Variants in ACKR4 observed in about 807,000 individuals in gnomAD.
The protein encoded by ACKR4 is atypical chemokine receptor 4, also known as C-C CKR-11.
In ACKR4, 2 loss-of-function variants were observed where a neutral mutation model predicts 8.5. That is an observed-to-expected ratio of 0.23 (90% confidence interval 0.10 to 0.74). The LOEUF (loss-of-function observed/expected upper bound fraction) is 0.74. ACKR4 is among the 30% of genes least tolerant of loss of function. The pLI is 0.75. For missense variants in ACKR4, 167 were observed against 422.1 expected, an observed-to-expected ratio of 0.40 and a Z score of 5.30; for synonymous variants, 67 against 145.0, an observed-to-expected ratio of 0.46 and a Z score of 3.86.
chr3:132,598,880 G>A (rs563283963), intron 1 of ACKR4, among the ~76,000 whole-genome samples: 53 of 152,342 alleles, frequency 3.5e-4, no homozygotes, highest in Admixed American at 7.8e-4. Context: ...TTCAGGTGAA[G>A]AGATGTGTCT....
chr3:132,598,592 A>C (rs140834438), intron 1 of ACKR4, among the ~76,000 whole-genome samples: 1 of 152,350 alleles, frequency 6.6e-6, no homozygotes, highest in Non-Finnish European at 1.5e-5. Flanking sequence ...TTGCTAATAC[A>C]TCAGGAAAGT....
rs1298442847 is a variant in ACKR4 at position 132,600,699 on chromosome 3, C to T, written c.302C>T (p.Ala101Val). 6 of 1,613,732 alleles carry T rather than the reference C, an allele frequency of 3.7e-6. No individual in the cohort carries two copies. Among genetic ancestry groups the T allele is most frequent in the East Asian group, 4.5e-5 (2 of 44,888 alleles). ...LFTLPFWAVN[A>V]VHGWVLGKIM... ...ACTCTGCCTTTTTGGGCTGTTAATG[C>T]AGTTCATGGGTGGGTTTTAGGGAAA... Residue 101 changes from alanine (A) to valine (V), a missense_variant, in exon 2 of 2, where the codon GCA becomes GTA. Transcript: ENST00000249887.
Position 132,600,545 on chromosome 3 carries a change from A to G in ACKR4, c.148A>G (p.Ile50Val), listed in dbSNP as rs1297408643. 4 of 1,613,958 alleles carry G rather than the reference A, an allele frequency of 2.5e-6. No individual in the cohort carries two copies. Among genetic ancestry groups the G allele is most frequent in the Non-Finnish European group, 3.4e-6 (4 of 1,179,856 alleles). The change falls in exon 2 of 2, where the codon ATA becomes GTA. Residue 50 changes from isoleucine to valine, a missense_variant. Ile to Val is a conservative substitution (Grantham distance 29). Around this residue, in one of 2 missense-constraint regions of ACKR4, gnomAD observed 149 missense variants for 281.9 expected, o/e 0.53. Coordinates refer to ENST00000249887, the MANE Select transcript of ACKR4 (RefSeq NM_016557.4). ...AGTTTTCCTCCCTGTATTCCTCACA[A>G]TAGTTTTCGTCATTGGACTTGCAGG... ...AKVFLPVFLT[I>V]VFVIGLAGNS...
At position 132,601,109 on chromosome 3, in the gene ACKR4, C is replaced by T. The variant is rs1191255637; in HGVS notation, c.712C>T (p.Pro238Ser). The T allele has an allele frequency of 1.2e-6, 2 of 1,613,678 alleles. No individual in the cohort carries two copies. Among genetic ancestry groups the T allele is most frequent in the Admixed American group, 1.7e-5 (1 of 59,986 alleles). ...MKMPNIKISRPLKVLLTVVIV... is the reference protein window; with the variant it reads ...MKMPNIKISRSLKVLLTVVIV... ...GATGCCAAACATTAAAATATCTCGACCCCTAAAAGTTCTGCTCACAGTCGT... is the reference window on the plus strand; with the variant it reads ...GATGCCAAACATTAAAATATCTCGATCCCTAAAAGTTCTGCTCACAGTCGT... Residue 238 changes from proline to serine, a missense_variant, in exon 2 of 2, where the codon CCC (proline) becomes TCC (serine). By Grantham distance (74) the Pro-to-Ser change is moderately conservative. Around this residue, in one of 2 missense-constraint regions of ACKR4, gnomAD observed 149 missense variants for 281.9 expected, o/e 0.53. Transcript: ENST00000249887.
chr3:132,600,678 T>C lies in ACKR4; in HGVS notation c.281T>C (p.Leu94Pro), dbSNP rs1489446760. Residue 94 changes from leucine to proline, a missense_variant, in exon 2 of 2, where the codon CTG becomes CCG. Physicochemically the swap from Leu to Pro is moderately conservative, Grantham distance 98 (BLOSUM62 -3). Transcript: ENST00000249887. ...AVADLLLLFT[L>P]PFWAVNAVHG... ...GCAGATTTACTCCTTCTATTCACTCTGCCTTTTTGGGCTGTTAATGCAGTT... is the reference window on the plus strand; with the variant it reads ...GCAGATTTACTCCTTCTATTCACTCCGCCTTTTTGGGCTGTTAATGCAGTT... 2 of 1,613,896 alleles carry C rather than the reference T, an allele frequency of 1.2e-6. No homozygotes were observed. The highest frequency in any genetic ancestry group is 1.1e-5 in the South Asian group (1 of 91,022).
chr3:132,601,162 T>G lies in ACKR4; in HGVS notation c.765T>G (p.Pro255=). 6.2e-7 allele frequency: 1 copy of G among 1,612,582 alleles called. No homozygotes were observed. Among genetic ancestry groups the G allele is most frequent in the Non-Finnish European group, 8.5e-7 (1 of 1,179,022 alleles). ...VVIVFIVTQL[P]YNIVKFCRAI... is the part of the protein sequence containing the mutation. ...TAGTTTTCATTGTCACTCAACTGCCTTATAACATTGTCAAGTTCTGCCGAG... is the reference window on the plus strand; with the variant it reads ...TAGTTTTCATTGTCACTCAACTGCCGTATAACATTGTCAAGTTCTGCCGAG... The change falls in exon 2 of 2, where the codon CCT becomes CCG. Residue 255 remains proline (P), a synonymous_variant. Transcript: ENST00000249887.
intron 1 of ACKR4, among the ~76,000 whole-genome samples, chr3:132,599,264 T>C (rs746878222): frequency 6.6e-6 from 1 of 152,018 alleles, no homozygotes; most frequent in Non-Finnish European, 1.5e-5. Context: ...TCCCAGCACT[T>C]TGGGAGGCCG....
chr3:132,600,416 C>A lies in ACKR4; in HGVS notation c.19C>A (p.Gln7Lys). The A allele has an allele frequency of 1.3e-6, 2 of 1,597,002 alleles. No individual in the cohort carries two copies. The highest frequency in any genetic ancestry group is 1.7e-4 in the Middle Eastern group (1 of 5,964). Residue 7 changes from glutamine to lysine, a missense_variant, in exon 2 of 2, where the codon CAG becomes AAG. Gln to Lys is a moderately conservative substitution (Grantham distance 53). This residue lies in a region of ACKR4 where 149 missense variants were observed against 281.9 expected (regional missense o/e 0.53). Coordinates refer to ENST00000249887, the MANE Select transcript of ACKR4 (RefSeq NM_016557.4). Reference sequence around the variant, plus strand: ...TGGAGCCATGGCTTTGGAACAGAACCAGTCAACAGATTATTATTATGAGGA... The same window carrying A: ...TGGAGCCATGGCTTTGGAACAGAACAAGTCAACAGATTATTATTATGAGGA... MALEQN[Q>K]STDYYYEENE... is the part of the protein sequence containing the mutation.
Position 132,602,553 on chromosome 3 carries a change from CT to C in ACKR4, c.*1109del, listed in dbSNP as rs1938658092. 6.6e-6 allele frequency among the ~76,000 whole-genome samples: 1 copy of C among 152,032 alleles called. No homozygotes were observed. Among genetic ancestry groups the C allele is most frequent in the Non-Finnish European group, 1.5e-5 (1 of 67,976 alleles). ...TTGTTAATTAACATGTACAGCTTAT[CT>C]TTTTTAAAAAAATTTGCTGTAAATT... On this transcript the variant is annotated 3_prime_UTR_variant, in exon 2 of 2. Transcript: ENST00000249887.
chr3:132,600,073 C>A (rs1458292253), intron 1 of ACKR4, among the ~76,000 whole-genome samples: 2 of 151,906 alleles, frequency 1.3e-5, no homozygotes, highest in Non-Finnish European at 2.9e-5. Flanking sequence ...TTTTAAAAAT[C>A]ATTTTTACAT....
chr3:132,598,718 C>CT (rs1025470841), intron 1 of ACKR4, among the ~76,000 whole-genome samples: 2 of 152,198 alleles, frequency 1.3e-5, no homozygotes, highest in Admixed American at 1.3e-4. Flanking sequence ...ACAGATGCTG[C>CT]TGCATGGTGG....
chr3:132,597,852 T>C (rs1231042553), intron 1 of ACKR4, among the ~76,000 whole-genome samples: 3 of 152,154 alleles, frequency 2.0e-5, no homozygotes, highest in Non-Finnish European at 4.4e-5. Context: ...ACAAGGTTCA[T>C]ACTGTGTTAA....
At chr3:132,598,420 A>G (rs995269867) in intron 1 of ACKR4, among the ~76,000 whole-genome samples, 1 of 152,202 alleles carries the variant, frequency 6.6e-6, no homozygotes, top group African/African-American at 2.4e-5. Flanking sequence ...ACAAATATTT[A>G]CTGAGAAGCT....
Position 132,600,369 on chromosome 3 carries a change from GTATTC to G in ACKR4, c.-9-18_-9-14del, listed in dbSNP as rs750226016. 19 of 1,537,078 alleles carry G rather than the reference GTATTC, an allele frequency of 1.2e-5. 1 individual carries two copies. In the South Asian group the frequency reaches 2.4e-4, roughly 20 times the overall value. ...GCATATTTAGACAAATATCTATCCT[GTATTC>G]TCTTTGCCATCTAGATTGGAGCCAT... On this transcript the variant is annotated splice_polypyrimidine_tract_variant and intron_variant, in intron 1 of 1. Transcript: ENST00000249887.
At position 132,600,846 on chromosome 3, in the gene ACKR4, T is replaced by C. The variant is rs138269944; in HGVS notation, c.449T>C (p.Val150Ala). 6.2e-7 allele frequency: 1 copy of C among 1,613,338 alleles called. No individual in the cohort carries two copies. Among genetic ancestry groups the C allele is most frequent in the African/African-American group, 1.3e-5 (1 of 74,890 alleles). ...ACTAAAGTCCCCAGCCAATCAGGAGTGGGAAAACCATGCTGGATCATCTGT... is the reference window on the plus strand; with the variant it reads ...ACTAAAGTCCCCAGCCAATCAGGAGCGGGAAAACCATGCTGGATCATCTGT... ...AVTKVPSQSG[V>A]GKPCWIICFC... The change falls in exon 2 of 2, where the codon GTG (valine) becomes GCG (alanine). Residue 150 changes from valine to alanine, a missense_variant. Val to Ala is a moderately conservative substitution (Grantham distance 64). This residue lies in a region of ACKR4 where 149 missense variants were observed against 281.9 expected (regional missense o/e 0.53). Transcript: ENST00000249887.
chr3:132,600,900 T>C lies in ACKR4; in HGVS notation c.503T>C (p.Leu168Pro), dbSNP rs1237102981. The change falls in exon 2 of 2, where the codon CTG becomes CCG. Residue 168 changes from leucine (L) to proline (P), a missense_variant. This residue lies in a region of ACKR4 where 149 missense variants were observed against 281.9 expected (regional missense o/e 0.53). Coordinates refer to ENST00000249887, the MANE Select transcript of ACKR4 (RefSeq NM_016557.4). ...CFCVWMAAILLSIPQLVFYTV... is the reference protein window; with the variant it reads ...CFCVWMAAILPSIPQLVFYTV... Reference sequence around the variant, plus strand: ...TGTGTCTGGATGGCTGCCATCTTGCTGAGCATACCCCAGCTGGTTTTTTAT... The same window carrying C: ...TGTGTCTGGATGGCTGCCATCTTGCCGAGCATACCCCAGCTGGTTTTTTAT... The C allele has an allele frequency of 3.7e-6, 6 of 1,612,976 alleles. No homozygotes were observed. The highest frequency in any genetic ancestry group is 5.1e-6 in the Non-Finnish European group (6 of 1,179,420).
Position 132,600,578 on chromosome 3 carries a change from A to G in ACKR4, c.181A>G (p.Met61Val). ...VFVIGLAGNSMVVAIYAYYKK... is the reference protein window; with the variant it reads ...VFVIGLAGNSVVVAIYAYYKK... ...CGTCATTGGACTTGCAGGCAATTCC[A>G]TGGTAGTGGCAATTTATGCCTATTA... Residue 61 changes from methionine to valine, a missense_variant, in exon 2 of 2, where the codon ATG becomes GTG. Physicochemically the swap from Met to Val is conservative, Grantham distance 21 (BLOSUM62 1). Around this residue, in one of 2 missense-constraint regions of ACKR4, gnomAD observed 149 missense variants for 281.9 expected, o/e 0.53. Transcript: ENST00000249887. The G allele has an allele frequency of 6.2e-7, 1 of 1,613,992 alleles. No homozygotes were observed. Among genetic ancestry groups the G allele is most frequent in the Non-Finnish European group, 8.5e-7 (1 of 1,179,854 alleles).
At chr3:132,599,987 C>T (rs1432904996) in intron 1 of ACKR4, among the ~76,000 whole-genome samples, 5 of 151,990 alleles carry the variant, frequency 3.3e-5, no homozygotes, top group East Asian at 1.9e-4. Flanking sequence ...TATACTTTTA[C>T]GATTCACAAA....
rs1323191212 is a variant in ACKR4, at chr3:132,600,485, A to C, written c.88A>C (p.Ile30Leu). 1 of 1,613,848 alleles carries C rather than the reference A, an allele frequency of 6.2e-7. No individual in the cohort carries two copies. Among genetic ancestry groups the C allele is most frequent in the Admixed American group, 1.7e-5 (1 of 60,016 alleles). The change falls in exon 2 of 2, where the codon ATC becomes CTC. Residue 30 changes from isoleucine (I) to leucine (L), a missense_variant. Transcript: ENST00000249887. ...GTYDYSQYEL[I>L]CIKEDVREFA... is the part of the protein sequence containing the mutation. ...TTATGACTACAGTCAATATGAACTG[A>C]TCTGTATCAAAGAAGATGTCAGAGA...
Sources: allele counts gnomAD v4.1 joint callset (sites outside exome capture counted in the v4.1 genomes callset), GRCh38; gene constraint gnomAD v4.1.1; regional missense constraint gnomAD v4.1.1; transcripts MANE v1.5; gene names NCBI Gene and HGNC (gene_info 2026-07-23, HGNC 2026-07-21).